The following ATL3 variants were observed in gnomAD, a reference collection of about 807,000 sequenced individuals.
ATL3 encodes the protein atlastin-3.
In ATL3, 49 loss-of-function variants were observed where a neutral mutation model predicts 69.5. The observed-to-expected ratio is 0.71, with a 90% CI of 0.56 to 0.89. ATL3 has a LOEUF of 0.89. ATL3 is among the 40% of genes least tolerant of loss of function. The probability of loss-of-function intolerance (pLI) is 0.00; values close to 1 mark genes in which losing one functional copy is unlikely to be tolerated. For missense variants in ATL3, 606 were observed against 645.7 expected, an observed-to-expected ratio of 0.94 and a Z score of 0.67; for synonymous variants, 214 against 224.1, an observed-to-expected ratio of 0.95 and a Z score of 0.40.
intron 5 of ATL3, 104 bp from the exon 6 acceptor site, chr11:63,646,667 T>C: frequency 3.0e-6 from 2 of 671,336 alleles, no homozygotes; most frequent in Non-Finnish European, 5.0e-6. Flanking sequence ...ACCAGACTTC[T>C]ACAGTTTCAA....
chr11:63,643,678 C>A (rs1939774104), intron 7 of ATL3, among the ~76,000 whole-genome samples, 183 bp from the exon 8 acceptor site: 1 of 152,116 alleles, frequency 6.6e-6, no homozygotes, highest in Non-Finnish European at 1.5e-5. Flanking sequence ...CGGCTTGACT[C>A]CTATAGCTAG....
At chr11:63,652,091 A>G in intron 4 of ATL3, 105 bp from the exon 5 acceptor site, 2 of 1,493,446 alleles carry the variant, frequency 1.3e-6, no homozygotes, top group Non-Finnish European at 1.8e-6. Context: ...AGACTTGCAT[A>G]TAAGAACATG....
At chr11:63,670,842 G>T (rs1940746187) in intron 1 of ATL3, among the ~76,000 whole-genome samples, 1 of 152,214 alleles carries the variant, frequency 6.6e-6, no homozygotes, top group African/African-American at 2.4e-5. Flanking sequence ...CTCCATCCAG[G>T]CCCCGATTCT....
intron 3 of ATL3, among the ~76,000 whole-genome samples, chr11:63,654,149 G>T (rs35531440): frequency 0.13 from 17,554 of 138,482 alleles, 1,150 homozygotes; most frequent in South Asian, 0.18. Flanking sequence ...GATACAATTT[G>T]TTTTTTTTTT....
chr11:63,634,038 CAAAAAAAAAA>C (rs1158615731), intron 10 of ATL3, among the ~76,000 whole-genome samples: 2 of 76,102 alleles, frequency 2.6e-5, no homozygotes, highest in East Asian at 5.2e-4. Context: ...CTGTCTCAAA[CAAAAAAAAAA>C]AAAAAAAAAA....
chr11:63,664,096 AAAAT>A (rs1181284851), intron 1 of ATL3, among the ~76,000 whole-genome samples: 1 of 152,206 alleles, frequency 6.6e-6, no homozygotes, highest in Non-Finnish European at 1.5e-5. Context: ...GTGTGAAAGA[AAAAT>A]AAATGTCTAC....
intron 1 of ATL3, among the ~76,000 whole-genome samples, chr11:63,662,236 A>G (rs1250622352): frequency 6.6e-6 from 1 of 151,896 alleles, no homozygotes; most frequent in East Asian, 1.9e-4. Context: ...AAAAGAAAGA[A>G]AGAAAGAAAT....
chr11:63,671,652 G>A (rs1244125953), upstream of ATL3: 5 of 1,396,548 alleles, frequency 3.6e-6, no homozygotes, highest in South Asian at 6.3e-5. Context: ...GCGGGGCGCT[G>A]AGTGCTACCG....
chr11:63,671,380 AG>A, upstream of ATL3: 1 of 1,523,438 alleles, frequency 6.6e-7, no homozygotes, highest in Non-Finnish European at 8.8e-7. Context: ...TGCAGAGGAG[AG>A]GGACGGGTGC....
At position 63,659,113 on chromosome 11, in the gene ATL3, C is replaced by T; in HGVS notation, c.186G>A (p.Val62=). Residue 62 remains valine, a synonymous_variant, in exon 2 of 13, where the codon GTG becomes GTA. Coordinates refer to ENST00000398868, the MANE Select transcript of ATL3 (RefSeq NM_015459.5). Reference sequence around the variant, plus strand: ...TTCGGAAGGCACCAGCCACTGAAACCACCACCACATCAAGATCTCGGATGT... The same window carrying T: ...TTCGGAAGGCACCAGCCACTGAAACTACCACCACATCAAGATCTCGGATGT... ...QDHIRDLDVV[V]VSVAGAFRKG... is the part of the protein sequence containing the mutation. 1 of 1,613,970 alleles carries T rather than the reference C, an allele frequency of 6.2e-7. No homozygotes were observed. Among genetic ancestry groups the T allele is most frequent in the Non-Finnish European group, 8.5e-7 (1 of 1,180,004 alleles).
In ATL3 at chr11:63,669,017, G is replaced by T. The variant is rs377344107; in HGVS notation, c.46+2273C>A. Among the ~76,000 whole-genome samples the T allele has an allele frequency of 1.4e-3, 205 of 141,640 alleles. 9 individuals carry two copies. In the Middle Eastern group the frequency reaches 0.021, roughly 15 times the overall value. 92.9% of individuals were successfully genotyped at this position (141,640 alleles called of 152,430 possible). On this transcript the variant is annotated intron_variant, in intron 1 of 12. Coordinates refer to ENST00000398868, the MANE Select transcript of ATL3 (RefSeq NM_015459.5). ...TTTTTTTTAATTTTTTTTTGGGTGG[G>T]GGGGGGCGTCTCACCATGTTGGCCA...
chr11:63,669,968 T>A (rs1290354070), intron 1 of ATL3, among the ~76,000 whole-genome samples: 1 of 150,810 alleles, frequency 6.6e-6, no homozygotes, highest in Non-Finnish European at 1.5e-5. Context: ...TAGCCGCGCA[T>A]GGTGGAGAGC....
At chr11:63,653,060 C>T (rs752696914) in intron 3 of ATL3, among the ~76,000 whole-genome samples, 44 of 152,130 alleles carry the variant, frequency 2.9e-4, no homozygotes, top group Non-Finnish European at 5.6e-4. Flanking sequence ...GGCGCAATGG[C>T]TCATGCCTGT....
intron 1 of ATL3, among the ~76,000 whole-genome samples, chr11:63,661,188 C>T (rs11231550): frequency 6.8e-6 from 1 of 146,474 alleles, no homozygotes; most frequent in Non-Finnish European, 1.5e-5. Flanking sequence ...CGCCACTGCA[C>T]TCCAGCCTGG....
chr11:63,637,753 A>G (rs1005411451), intron 8 of ATL3: 1 of 152,236 alleles, frequency 6.6e-6, no homozygotes, highest in Admixed American at 6.5e-5. Flanking sequence ...CCCACATCAA[A>G]TAAGAACTCT....
In ATL3 at chr11:63,633,010, C is replaced by T. The variant is rs1364531555; in HGVS notation, c.1107+16G>A. 1.6e-5 allele frequency: 26 copies of T among 1,609,954 alleles called. No individual in the cohort carries two copies. Among genetic ancestry groups the T allele is most frequent in the Non-Finnish European group, 2.1e-5 (25 of 1,176,466 alleles). On this transcript the variant is annotated intron_variant, in intron 11 of 12. Transcript: ENST00000398868. ...AGATTATAGATATTTCAGAATAAGGCGTATGTCCCACGTACCTCTTCCATG... is the reference window on the plus strand; with the variant it reads ...AGATTATAGATATTTCAGAATAAGGTGTATGTCCCACGTACCTCTTCCATG...
intron 5 of ATL3, among the ~76,000 whole-genome samples, chr11:63,650,398 G>T (rs567541666): frequency 6.6e-6 from 1 of 151,968 alleles, no homozygotes; most frequent in Non-Finnish European, 1.5e-5. Flanking sequence ...TTTTAAACTG[G>T]TTATTGTTAG....
rs753976858 is a variant in ATL3, at chr11:63,643,490, C to T, written c.717G>A (p.Lys239=). The change falls in exon 8 of 13, where the codon AAG becomes AAA. Residue 239 remains lysine (K), a synonymous_variant. Transcript: ENST00000398868. ...MAFLDKRLQV[K]EHQHEEIQNV... is the part of the protein sequence containing the mutation. ...TCTGAATTTCTTCATGTTGATGTTCCTTCACCTGCCAATGAAGACCAAGAA... is the reference window on the plus strand; with the variant it reads ...TCTGAATTTCTTCATGTTGATGTTCTTTCACCTGCCAATGAAGACCAAGAA... 3.1e-6 allele frequency: 5 copies of T among 1,605,130 alleles called. No individual in the cohort carries two copies. The African/African-American group carries it at 4.0e-5, about 13-fold the overall frequency.
chr11:63,652,635 G>T, intron 3 of ATL3, 60 bp from the exon 4 acceptor site: 2 of 1,310,972 alleles, frequency 1.5e-6, no homozygotes, highest in South Asian at 1.2e-5. Flanking sequence ...AACCGTAAAG[G>T]AGAAATTGAA....
Sources: gnomAD v4.1 joint callset for allele counts (sites outside exome capture counted in the v4.1 genomes callset) on GRCh38, gnomAD v4.1.1 for gene constraint, MANE v1.5 for transcripts, NCBI Gene and HGNC (gene_info 2026-07-23, HGNC 2026-07-21) for gene names.